The following PAXIP1 variants were observed in gnomAD, a reference collection of about 807,000 sequenced individuals.
The protein encoded by PAXIP1 is PAX-interacting protein 1.
A neutral mutation model predicts 140.6 loss-of-function variants in PAXIP1; 19 were observed. That is an observed-to-expected ratio of 0.14 (90% confidence interval 0.09 to 0.20). The LOEUF (loss-of-function observed/expected upper bound fraction) is 0.20. Ranked by LOEUF, PAXIP1 falls within the 10% of genes least tolerant of loss-of-function variation. The pLI is 1.00. For missense variants in PAXIP1, 920 were observed against 1,208.6 expected, an observed-to-expected ratio of 0.76 and a Z score of 3.54; for synonymous variants, 442 against 444.6, an observed-to-expected ratio of 0.99 and a Z score of 0.07.
intron 11 of PAXIP1, 145 bp downstream of exon 11, chr7:154,961,382 A>C: frequency 3.1e-6 from 2 of 647,416 alleles, no homozygotes; most frequent in Non-Finnish European, 5.1e-6. Context: ...TAACATTACT[A>C]TATCATTGTC....
intron 4 of PAXIP1, 117 bp downstream of exon 4, chr7:154,990,889 A>G (rs1214868389): frequency 6.7e-6 from 4 of 598,704 alleles, no homozygotes; most frequent in Non-Finnish European, 1.2e-5. Flanking sequence ...TATTAAATAC[A>G]CAGTCAGTTT....
At chr7:154,993,330 A>G (rs1011871668) in intron 3 of PAXIP1, among the ~76,000 whole-genome samples, 6 of 152,260 alleles carry the variant, frequency 3.9e-5, no homozygotes, top group East Asian at 1.9e-4. Flanking sequence ...CAATGCAATT[A>G]AAAGGATTAA....
At chr7:154,968,106 A>G (rs1047390710) in intron 7 of PAXIP1, among the ~76,000 whole-genome samples, 196 bp from the exon 8 acceptor site, 1 of 152,198 alleles carries the variant, frequency 6.6e-6, no homozygotes, top group Non-Finnish European at 1.5e-5. Flanking sequence ...AATGATCATT[A>G]AAAACTAAAA....
intron 20 of PAXIP1, chr7:154,945,804 G>C (rs1807944060): frequency 1.0e-6 from 1 of 984,354 alleles, no homozygotes; most frequent in Admixed American, 6.1e-5. Flanking sequence ...TTTTTAATAA[G>C]GAATTCAAAT....
chr7:154,975,662 A>C, intron 6 of PAXIP1, 34 bp downstream of exon 6: 2 of 1,427,204 alleles, frequency 1.4e-6, no homozygotes, highest in Non-Finnish European at 2.0e-6. Context: ...TCTAAGATCC[A>C]ATACTGACAT....
intron 12 of PAXIP1, among the ~76,000 whole-genome samples, chr7:154,960,424 G>T (rs1808707442): frequency 6.6e-6 from 1 of 152,170 alleles, no homozygotes; most frequent in Admixed American, 6.5e-5. Flanking sequence ...TGTTCTGTAG[G>T]GTAGGGAGCA....
At chr7:154,990,832 T>C (rs756593516) in intron 4 of PAXIP1, among the ~76,000 whole-genome samples, 174 bp downstream of exon 4, 30 of 152,208 alleles carry the variant, frequency 2.0e-4, no homozygotes, top group Non-Finnish European at 3.4e-4. Context: ...CTTTAAATCT[T>C]AAAAGCAAGC....
intron 1 of PAXIP1, 76 bp downstream of exon 1, chr7:155,002,768 AGGAGC>A: frequency 1.4e-6 from 1 of 727,554 alleles, no homozygotes; most frequent in South Asian, 3.7e-5. Context: ...CGCCCGCGGC[AGGAGC>A]GGGGACGGGG....
intron 1 of PAXIP1, chr7:155,000,805 C>G (rs1199718167): frequency 6.6e-6 from 1 of 152,232 alleles, no homozygotes; most frequent in Non-Finnish European, 1.5e-5. Flanking sequence ...GCATGAATGC[C>G]TTCATTCCTC....
At chr7:154,945,570 T>C (rs1475923374) in intron 20 of PAXIP1, 20 of 985,270 alleles carry the variant, frequency 2.0e-5, no homozygotes, top group Non-Finnish European at 2.3e-5. Flanking sequence ...AAAGGTCCAC[T>C]GAGGTTGACA....
chr7:155,002,434 C>A (rs1585096089), intron 1 of PAXIP1, among the ~76,000 whole-genome samples: 1 of 152,192 alleles, frequency 6.6e-6, no homozygotes, highest in South Asian at 2.1e-4. Context: ...GGCTGGGGAT[C>A]CCGGCGCCCC....
At chr7:154,960,708 C>T (rs981670132) in intron 12 of PAXIP1, among the ~76,000 whole-genome samples, 185 bp downstream of exon 12, 1 of 150,798 alleles carries the variant, frequency 6.6e-6, no homozygotes, top group Non-Finnish European at 1.5e-5. Context: ...CAAAAACCAA[C>T]CAACAAAAAT....
intron 5 of PAXIP1, among the ~76,000 whole-genome samples, chr7:154,981,797 A>T (rs1376581731): frequency 1.3e-5 from 2 of 152,196 alleles, no homozygotes; most frequent in African/African-American, 4.8e-5. Flanking sequence ...AAAAATTTTA[A>T]AAGATTCCAT....
chr7:154,967,791 ATCCT>A lies in PAXIP1; in HGVS notation c.1893+21_1893+24del, dbSNP rs1264348437. The A allele has an allele frequency of 2.0e-6, 3 of 1,527,348 alleles. No homozygotes were observed. The African/African-American group carries it at 4.1e-5, about 21-fold the overall frequency. The allele number at this position is 1,527,348 out of a possible 1,614,324, so 94.6% of individuals were successfully genotyped here. ...GAAAGAAGCATCTTCAGACACAGTC[ATCCT>A]TCCTCCAGGCACAATCTCACCCTTT... On this transcript the variant is annotated intron_variant, in intron 8 of 20. Coordinates refer to ENST00000404141, the MANE Select transcript of PAXIP1 (RefSeq NM_007349.4).
intron 5 of PAXIP1, among the ~76,000 whole-genome samples, chr7:154,982,425 C>G (rs910321155): frequency 5.1e-5 from 5 of 97,236 alleles, no homozygotes; most frequent in Non-Finnish European, 1.1e-4. Flanking sequence ...GATCTCAGCT[C>G]ACTGCAACTC....
chr7:154,980,627 T>C lies in PAXIP1; in HGVS notation c.438+2592A>G, dbSNP rs560620472. Among the ~76,000 whole-genome samples, 460 of 152,200 alleles carry C rather than the reference T, an allele frequency of 3.0e-3. 18 individuals carry two copies. The highest frequency in any genetic ancestry group is 0.03 in the Admixed American group (457 of 15,290). ...TGGGGTCTCACTTTGTTGCCCAGGC[T>C]GGTCTCAAACTTCTGGGCTCAAGAG... On this transcript the variant is annotated intron_variant, in intron 5 of 20. Coordinates refer to ENST00000404141, the MANE Select transcript of PAXIP1 (RefSeq NM_007349.4).
chr7:154,944,250 CAG>C, intron 20 of PAXIP1, 86 bp from the exon 21 acceptor site: 1 of 1,187,632 alleles, frequency 8.4e-7, no homozygotes, highest in South Asian at 1.4e-5. Context: ...CATCCAGTTT[CAG>C]AGACACCCTT....
intron 5 of PAXIP1, among the ~76,000 whole-genome samples, chr7:154,980,208 G>T (rs927724568): frequency 6.6e-6 from 1 of 151,324 alleles, no homozygotes; most frequent in African/African-American, 2.4e-5. Context: ...AAAATAAAAG[G>T]AATTATTTCT....
Position 154,961,077 on chromosome 7 carries a change from T to C in PAXIP1, c.2250A>G (p.Glu750=), listed in dbSNP as rs567431727. The C allele has an allele frequency of 6.5e-7, 1 of 1,544,026 alleles. No homozygotes were observed. The highest frequency in any genetic ancestry group is 8.7e-7 in the Non-Finnish European group (1 of 1,146,858). Residue 750 remains glutamate (E), a splice_region_variant and synonymous_variant, in exon 12 of 21, where the codon GAA becomes GAG. Transcript: ENST00000404141. Reference sequence around the variant, plus strand: ...CTTTTTCATACTTTAAACCAGTTGGTCTTTTTATTTTTTGAGGAGAAAACA... The same window carrying C: ...CTTTTTCATACTTTAAACCAGTTGGCCTTTTTATTTTTTGAGGAGAAAACA... ...CRSNTVLICK[E]PTGLKYEKAK...
Sources: gnomAD v4.1 joint callset for allele counts (sites outside exome capture counted in the v4.1 genomes callset) on GRCh38, gnomAD v4.1.1 for gene constraint, MANE v1.5 for transcripts, NCBI Gene and HGNC (gene_info 2026-07-23, HGNC 2026-07-21) for gene names.